The following WWC1 variants were observed in gnomAD, a reference collection of about 807,000 sequenced individuals.
The protein encoded by WWC1 is protein KIBRA.
WWC1 carries 55 observed loss-of-function variants against 138.4 expected under a neutral mutation model. The observed-to-expected ratio is 0.40, with a 90% CI of 0.32 to 0.50. The LOEUF (loss-of-function observed/expected upper bound fraction) is 0.50. WWC1 is among the 20% of genes least tolerant of loss of function. The pLI is 0.72. For missense variants in WWC1, 1,226 were observed against 1,420.4 expected (o/e 0.86, Z 2.20); for synonymous variants, 524 against 564.9 (o/e 0.93, Z 1.03).
intron 21 of WWC1, among the ~76,000 whole-genome samples, chr5:168,465,401 G>C (rs1446806216): frequency 8.3e-6 from 1 of 120,452 alleles, no homozygotes; most frequent in East Asian, 2.0e-4. Flanking sequence ...GTCACACCAG[G>C]GCCTTCTGCT....
chr5:168,447,542 ATT>A (rs548640706), intron 17 of WWC1, among the ~76,000 whole-genome samples: 7 of 150,986 alleles, frequency 4.6e-5, no homozygotes, highest in African/African-American at 1.7e-4. Context: ...TCCCCTTTTG[ATT>A]TTTTTTTCAG....
intron 3 of WWC1, among the ~76,000 whole-genome samples, chr5:168,388,840 A>C (rs905810084): frequency 6.6e-6 from 1 of 151,818 alleles, no homozygotes; most frequent in Non-Finnish European, 1.5e-5. Flanking sequence ...AAAAAAAAAA[A>C]CAAAAAACAA....
At chr5:168,349,277 C>A (rs1223329402) in intron 1 of WWC1, among the ~76,000 whole-genome samples, 1 of 152,008 alleles carries the variant, frequency 6.6e-6, no homozygotes, top group Non-Finnish European at 1.5e-5. Flanking sequence ...GTTTCTGACA[C>A]CCCCACCCAG....
At chr5:168,460,197 C>G (rs1756685578) in intron 19 of WWC1, among the ~76,000 whole-genome samples, 1 of 152,116 alleles carries the variant, frequency 6.6e-6, no homozygotes. Flanking sequence ...CCATAGACAC[C>G]AGGGAAGAGT....
intron 1 of WWC1, among the ~76,000 whole-genome samples, chr5:168,342,703 G>A (rs936551291): frequency 2.6e-5 from 4 of 152,024 alleles, no homozygotes; most frequent in Non-Finnish European, 5.9e-5. Context: ...TCATGGAAAG[G>A]GTAAGAACTC....
intron 1 of WWC1, among the ~76,000 whole-genome samples, chr5:168,368,894 C>T (rs1287746197): frequency 1.3e-5 from 2 of 152,144 alleles, no homozygotes; most frequent in East Asian, 1.9e-4. Flanking sequence ...TCATCCAGGT[C>T]GTTTGGAGCA....
Position 168,292,301 on chromosome 5 carries a change from C to A in WWC1, c.119+30C>A. 2 of 1,565,076 alleles carry A rather than the reference C, an allele frequency of 1.3e-6. No homozygotes were observed. The highest frequency in any genetic ancestry group is 8.7e-7 in the Non-Finnish European group (1 of 1,155,914). On this transcript the variant is annotated intron_variant, in intron 1 of 22. Transcript: ENST00000265293. This position sits in a 1 kb window ranked among gnomAD's most constrained non-coding sequence, Gnocchi z 4.4. Reference sequence around the variant, plus strand: ...GACCCTGGAACCCTCCTCCGTGCCCCCACACCCCCGCCTGGGCCCCCACCT... The same window carrying A: ...GACCCTGGAACCCTCCTCCGTGCCCACACACCCCCGCCTGGGCCCCCACCT...
At chr5:168,399,154 G>A (rs1779127231) in intron 4 of WWC1, among the ~76,000 whole-genome samples, 1 of 152,194 alleles carries the variant, frequency 6.6e-6, no homozygotes, top group Non-Finnish European at 1.5e-5. Context: ...GCTCAGGATG[G>A]CAAGACAGCT....
intron 10 of WWC1, 88 bp from the exon 11 acceptor site, chr5:168,423,445 C>T (rs1781275088): frequency 1.4e-6 from 2 of 1,421,816 alleles, no homozygotes; most frequent in Admixed American, 2.1e-5. Flanking sequence ...CTAGTGAGAT[C>T]ATGGTGCTTT....
Position 168,335,062 on chromosome 5 carries a change from G to T in WWC1, c.120-36362G>T, listed in dbSNP as rs573764510. Among the ~76,000 whole-genome samples, 293 of 152,242 alleles carry T rather than the reference G, an allele frequency of 1.9e-3. 1 individual carries two copies. The highest frequency in any genetic ancestry group is 2.5e-3 in the Non-Finnish European group (169 of 68,012). The stretch of plus-strand genomic sequence containing the variant: ...CCTCTAAAAAAAAAATAAGATAAAA[G>T]GTGCAATCATGCAACACATTCTTTC... On this transcript the variant is annotated intron_variant, in intron 1 of 22. Transcript: ENST00000265293.
chr5:168,395,247 C>T (rs1421619435), intron 3 of WWC1, among the ~76,000 whole-genome samples: 1 of 152,222 alleles, frequency 6.6e-6, no homozygotes, highest in Non-Finnish European at 1.5e-5. Context: ...TGTCCAGAGG[C>T]ACAGCCTGAT....
At chr5:168,383,184 A>G (rs1181424173) in intron 2 of WWC1, among the ~76,000 whole-genome samples, 3 of 104,814 alleles carry the variant, frequency 2.9e-5, no homozygotes, top group Admixed American at 2.0e-4. Flanking sequence ...CTCAAAAACA[A>G]AAAAAAAAAA....
chr5:168,441,577 A>G (rs947537480), intron 15 of WWC1, 105 bp from the exon 16 acceptor site: 7 of 1,217,984 alleles, frequency 5.7e-6, no homozygotes, highest in Non-Finnish European at 8.1e-6. Flanking sequence ...CCTACCTCTC[A>G]TCTGGAGTGG....
At chr5:168,454,879 G>A (rs185047011) in intron 18 of WWC1, among the ~76,000 whole-genome samples, 24 of 152,316 alleles carry the variant, frequency 1.6e-4, no homozygotes, top group Admixed American at 1.2e-3. Flanking sequence ...TACTGTGCAC[G>A]GGCAGTAAAA....
chr5:168,428,223 CT>C, intron 12 of WWC1, 82 bp downstream of exon 12: 1 of 1,422,122 alleles, frequency 7.0e-7, no homozygotes, highest in Non-Finnish European at 9.6e-7. Flanking sequence ...TGTGGAGAGG[CT>C]TAGGTTTTGG....
chr5:168,328,221 A>G (rs897069871), intron 1 of WWC1, among the ~76,000 whole-genome samples: 1 of 152,150 alleles, frequency 6.6e-6, no homozygotes, highest in Non-Finnish European at 1.5e-5. Flanking sequence ...GCATAATAAC[A>G]TCTGCCTCAC....
rs567154584 is a variant in WWC1, at chr5:168,359,870, G to GTGTT, written c.120-11553_120-11550dup. ...AATATTGTCCTTTGTGCCCTTAAGA[G>GTGTT]TGTTAGTCATACAGCCTTGTTATAA... On this transcript the variant is annotated intron_variant, in intron 1 of 22. Transcript: ENST00000265293. 2.6e-3 allele frequency among the ~76,000 whole-genome samples: 389 copies of GTGTT among 152,254 alleles called. 5 individuals carry two copies. The highest frequency in any genetic ancestry group is 8.9e-3 in the African/African-American group (371 of 41,548).
At position 168,419,743 on chromosome 5, in the gene WWC1, C is replaced by T. The variant is rs546591027; in HGVS notation, c.1185-2265C>T. On this transcript the variant is annotated intron_variant, in intron 9 of 22. Transcript: ENST00000265293. ...GAGGGCACAGGCTTGCTCGATAGGG[C>T]CCTTTATTTTGTAGTGGGCCCACTC... Among the ~76,000 whole-genome samples, 4 of 152,270 alleles carry T rather than the reference C, an allele frequency of 2.6e-5. No homozygotes were observed. The East Asian group carries it at 7.7e-4, about 29-fold the overall frequency.
chr5:168,452,683 T>C (rs923721674), intron 17 of WWC1, among the ~76,000 whole-genome samples: 6 of 152,212 alleles, frequency 3.9e-5, no homozygotes, highest in African/African-American at 1.4e-4. Flanking sequence ...TGTACATGAA[T>C]GTACAAGAAG....
Sources: gnomAD v4.1 joint callset for allele counts (sites outside exome capture counted in the v4.1 genomes callset) on GRCh38, gnomAD v4.1.1 for gene constraint, Gnocchi (gnomAD v3.1) non-coding constraint, MANE v1.5 for transcripts, NCBI Gene and HGNC (gene_info 2026-07-23, HGNC 2026-07-21) for gene names.